The following CBFA2T2 variants were observed in gnomAD, a reference collection of about 807,000 sequenced individuals.
CBFA2T2 encodes the protein protein CBFA2T2.
A neutral mutation model predicts 62.2 loss-of-function variants in CBFA2T2; 11 were observed. The ratio of observed to expected loss-of-function variants is 0.18; its 90% CI spans 0.11 to 0.29. The LOEUF is 0.29. Ranked by LOEUF, CBFA2T2 falls within the 10% of genes least tolerant of loss-of-function variation. The pLI is 1.00. For synonymous variants in CBFA2T2, 295 were observed against 287.5 expected (o/e 1.03, Z -0.27); for missense variants, 592 against 774.1 (o/e 0.76, Z 2.79).
chr20:33,499,183 C>T (rs567933999), intron 1 of CBFA2T2, among the ~76,000 whole-genome samples: 5 of 152,208 alleles, frequency 3.3e-5, no homozygotes, highest in Admixed American at 2.0e-4. Context: ...ATGATTGCAG[C>T]CCTGGGATCA....
At chr20:33,500,740 A>T (rs2011265392) in intron 1 of CBFA2T2, among the ~76,000 whole-genome samples, 2 of 152,136 alleles carry the variant, frequency 1.3e-5, no homozygotes, top group African/African-American at 4.8e-5. Flanking sequence ...AAAATTTAAA[A>T]AAGTCCAAAT....
intron 1 of CBFA2T2, among the ~76,000 whole-genome samples, chr20:33,492,588 C>T (rs1470537103): frequency 1.3e-5 from 2 of 152,006 alleles, no homozygotes; most frequent in African/African-American, 4.8e-5. Context: ...CATCATGGCC[C>T]ACAGCAGCCT....
At chr20:33,520,944 ACACACACACACACTTTCACCTGCCAT>A (rs1207170820) in intron 1 of CBFA2T2, among the ~76,000 whole-genome samples, 3 of 147,566 alleles carry the variant, frequency 2.0e-5, no homozygotes, top group South Asian at 2.1e-4. Context: ...GCCATCACAT[ACACACACACACACTTTCACCTGCCAT>A]CACACACACA....
At chr20:33,510,507 G>T (rs547065820) in intron 1 of CBFA2T2, among the ~76,000 whole-genome samples, 1 of 152,086 alleles carries the variant, frequency 6.6e-6, no homozygotes, top group South Asian at 2.1e-4. Flanking sequence ...CACCACGCCC[G>T]GCCACATTTT....
At chr20:33,537,930 C>T (rs1461096824) in intron 1 of CBFA2T2, among the ~76,000 whole-genome samples, 1 of 151,030 alleles carries the variant, frequency 6.6e-6, no homozygotes. Context: ...TATTCGTTTT[C>T]AAAGTTGTTT....
chr20:33,644,138 T>G (rs1272319533), intron 10 of CBFA2T2, among the ~76,000 whole-genome samples: 1 of 151,996 alleles, frequency 6.6e-6, no homozygotes, highest in Non-Finnish European at 1.5e-5. Flanking sequence ...AGGGAAGTAG[T>G]TTTCTTGTTT....
chr20:33,627,357 G>C (rs781477314), intron 6 of CBFA2T2, among the ~76,000 whole-genome samples: 29 of 152,026 alleles, frequency 1.9e-4, no homozygotes, highest in Admixed American at 4.6e-4. Context: ...AGATCACACC[G>C]CTGCACTCCA....
intron 6 of CBFA2T2, among the ~76,000 whole-genome samples, chr20:33,627,446 A>G (rs2016281982): frequency 2.0e-5 from 3 of 152,046 alleles, no homozygotes; most frequent in Admixed American, 1.3e-4. Flanking sequence ...ACAGTGGGGG[A>G]AAAAACTGGC....
At chr20:33,498,641 C>T (rs56234419) in intron 1 of CBFA2T2, among the ~76,000 whole-genome samples, 45,036 of 151,890 alleles carry the variant, frequency 0.3, 6,846 homozygotes, top group East Asian at 0.36. Flanking sequence ...CCCAGTTACT[C>T]GGAAGGCTGA....
intron 5 of CBFA2T2, chr20:33,623,664 T>C: frequency 3.1e-6 from 2 of 640,962 alleles, no homozygotes; most frequent in Non-Finnish European, 2.8e-6. Context: ...TCAAGAGATC[T>C]GCCCGCCTCA....
chr20:33,509,092 T>C (rs1292759693), intron 1 of CBFA2T2, among the ~76,000 whole-genome samples: 5 of 152,122 alleles, frequency 3.3e-5, no homozygotes, highest in Non-Finnish European at 7.4e-5. Context: ...CTTGGCTGGG[T>C]GTGGTGGCTC....
intron 1 of CBFA2T2, among the ~76,000 whole-genome samples, chr20:33,567,628 G>C (rs1439348463): frequency 6.6e-6 from 1 of 150,876 alleles, no homozygotes; most frequent in Non-Finnish European, 1.5e-5. Context: ...TGTTGCCCAG[G>C]CTGGAGTGCA....
At chr20:33,571,258 G>A (rs941106889) in intron 1 of CBFA2T2, among the ~76,000 whole-genome samples, 6 of 152,082 alleles carry the variant, frequency 3.9e-5, no homozygotes, top group Non-Finnish European at 5.9e-5. Context: ...AATGTTTAAG[G>A]CTCTTCAACT....
intron 1 of CBFA2T2, among the ~76,000 whole-genome samples, chr20:33,564,086 G>T (rs574808049): frequency 6.6e-6 from 1 of 151,878 alleles, no homozygotes; most frequent in Non-Finnish European, 1.5e-5. Context: ...TACAAGTCAC[G>T]CAAAAATTCT....
At chr20:33,609,873 T>A (rs1204613782) in intron 2 of CBFA2T2, among the ~76,000 whole-genome samples, 2 of 152,204 alleles carry the variant, frequency 1.3e-5, no homozygotes, top group Non-Finnish European at 2.9e-5. Flanking sequence ...AAATTGTTTC[T>A]TATGTTTTTA....
At chr20:33,506,382 T>A (rs2011404143) in intron 1 of CBFA2T2, among the ~76,000 whole-genome samples, 1 of 152,218 alleles carries the variant, frequency 6.6e-6, no homozygotes, top group Non-Finnish European at 1.5e-5. Flanking sequence ...TCATATTTAC[T>A]TTGTTTTATG....
chr20:33,548,102 C>T (rs1600955831), intron 1 of CBFA2T2, among the ~76,000 whole-genome samples: 1 of 151,848 alleles, frequency 6.6e-6, no homozygotes, highest in Non-Finnish European at 1.5e-5. Flanking sequence ...GAAATAATTC[C>T]AGTATATAAA....
At chr20:33,496,750 C>T (rs943990081) in intron 1 of CBFA2T2, among the ~76,000 whole-genome samples, 1 of 152,174 alleles carries the variant, frequency 6.6e-6, no homozygotes, top group Non-Finnish European at 1.5e-5. Flanking sequence ...GAAAGTGCAT[C>T]AGAAAGGCTT....
intron 1 of CBFA2T2, among the ~76,000 whole-genome samples, chr20:33,602,347 T>C (rs1472220644): frequency 6.6e-6 from 1 of 151,090 alleles, no homozygotes; most frequent in Non-Finnish European, 1.5e-5. Context: ...TTTTCTTCTT[T>C]CCAATTGCTT....
Sources: allele counts gnomAD v4.1 joint callset (sites outside exome capture counted in the v4.1 genomes callset), GRCh38; gene constraint gnomAD v4.1.1; transcripts MANE v1.5; gene names NCBI Gene and HGNC (gene_info 2026-07-23, HGNC 2026-07-21).